Variants in GRID2 observed in about 807,000 individuals in gnomAD.
GRID2 encodes the protein glutamate ionotropic receptor delta type subunit 2, also known as glutamate receptor ionotropic, delta-2.
In GRID2, 33 loss-of-function variants were observed where a neutral mutation model predicts 114.8. That is an observed-to-expected ratio of 0.29 (90% CI 0.22 to 0.38). The LOEUF is 0.38. GRID2 is among the 10% of genes least tolerant of loss of function. The probability of loss-of-function intolerance (pLI) is 1.00; values close to 1 mark genes in which losing one functional copy is unlikely to be tolerated. For synonymous variants in GRID2, 505 were observed against 449.9 expected, an observed-to-expected ratio of 1.12 and a Z score of -1.55; for missense variants, 1,184 against 1,257.7, an observed-to-expected ratio of 0.94 and a Z score of 0.89.
intron 8 of GRID2, among the ~76,000 whole-genome samples, chr4:93,316,951 T>C (rs564149370): frequency 1.9e-3 from 292 of 152,300 alleles, no homozygotes; most frequent in African/African-American, 6.7e-3. Flanking sequence ...TATTAACATA[T>C]GCATTCCTTA....
intron 1 of GRID2, among the ~76,000 whole-genome samples, chr4:92,575,230 C>A (rs549127523): frequency 3.9e-5 from 6 of 152,254 alleles, no homozygotes; most frequent in South Asian, 4.1e-4. Flanking sequence ...TACCATCATG[C>A]TTAGGTTATT....
intron 1 of GRID2, among the ~76,000 whole-genome samples, chr4:92,567,889 C>CA (rs1257373872): frequency 4.6e-5 from 7 of 151,936 alleles, no homozygotes; most frequent in African/African-American, 1.7e-4. Context: ...ACACAGCAAA[C>CA]AAAACCCCTT....
chr4:92,760,508 T>C (rs1220041406), intron 2 of GRID2, among the ~76,000 whole-genome samples: 1 of 152,224 alleles, frequency 6.6e-6, no homozygotes, highest in African/African-American at 2.4e-5. Flanking sequence ...AGAACTACTC[T>C]CCACAGCCAA....
At chr4:93,594,959 T>G (rs1045928451) in intron 13 of GRID2, among the ~76,000 whole-genome samples, 2 of 152,142 alleles carry the variant, frequency 1.3e-5, no homozygotes, top group African/African-American at 4.8e-5. Flanking sequence ...TGTCTGGCAC[T>G]CCCTAGTGAG....
intron 10 of GRID2, among the ~76,000 whole-genome samples, chr4:93,427,476 G>C (rs1406960530): frequency 6.6e-6 from 1 of 151,690 alleles, no homozygotes; most frequent in Non-Finnish European, 1.5e-5. Flanking sequence ...CTTTCTAAGG[G>C]GCTACCAAAC....
chr4:92,760,807 T>C (rs1051902721), intron 2 of GRID2, among the ~76,000 whole-genome samples: 1 of 152,144 alleles, frequency 6.6e-6, no homozygotes, highest in Non-Finnish European at 1.5e-5. Context: ...CTATTGGCAA[T>C]GGCATGTTGG....
chr4:93,022,973 A>G (rs990682608), intron 2 of GRID2, among the ~76,000 whole-genome samples: 1 of 151,952 alleles, frequency 6.6e-6, no homozygotes, highest in Non-Finnish European at 1.5e-5. Flanking sequence ...TCCCAAATCT[A>G]CAGTGATACA....
intron 3 of GRID2, among the ~76,000 whole-genome samples, chr4:93,104,738 T>G (rs1450974839): frequency 7.9e-5 from 12 of 152,238 alleles, no homozygotes; most frequent in Admixed American, 7.9e-4. Context: ...TCCAAGTCTT[T>G]GCTATTGTGA....
At position 93,274,187 on chromosome 4, in the gene GRID2, C is replaced by T. The variant is rs180884545; in HGVS notation, c.1245+35697C>T. Reference sequence around the variant, plus strand: ...TAATATTAATATTCTTAAAATCCTGCAGTGGCATTGATAGTAGCCAATAAA... The same window carrying T: ...TAATATTAATATTCTTAAAATCCTGTAGTGGCATTGATAGTAGCCAATAAA... On this transcript the variant is annotated intron_variant, in intron 8 of 15. Transcript: ENST00000282020. Among the ~76,000 whole-genome samples, 323 of 152,108 alleles carry T rather than the reference C, an allele frequency of 2.1e-3. 2 individuals are homozygous for T. Among genetic ancestry groups the T allele is most frequent in the African/African-American group, 7.2e-3 (298 of 41,516 alleles).
chr4:93,584,457 A>G (rs956513603), intron 13 of GRID2, among the ~76,000 whole-genome samples: 8 of 152,132 alleles, frequency 5.3e-5, no homozygotes, highest in Admixed American at 3.9e-4. Flanking sequence ...TTTCTTTATT[A>G]TACTATCCCT....
Position 92,449,676 on chromosome 4 carries a change from G to T in GRID2, c.89-140455G>T, listed in dbSNP as rs1037292324. Among the ~76,000 whole-genome samples, 796 of 96,738 alleles carry T rather than the reference G, an allele frequency of 8.2e-3. 14 individuals carry two copies. The highest frequency in any genetic ancestry group is 0.031 in the African/African-American group (739 of 23,788). 63.5% of individuals were successfully genotyped at this position (96,738 alleles called of 152,430 possible). On this transcript the variant is annotated intron_variant, in intron 1 of 15. Coordinates refer to ENST00000282020, the MANE Select transcript of GRID2 (RefSeq NM_001510.4). Reference sequence around the variant, plus strand: ...TCAAATATGTCTATCTTTTCTTACTGATATATATATATATATATATATATA... The same window carrying T: ...TCAAATATGTCTATCTTTTCTTACTTATATATATATATATATATATATATA...
chr4:92,887,318 G>C (rs537419176), intron 2 of GRID2, among the ~76,000 whole-genome samples: 1 of 152,186 alleles, frequency 6.6e-6, no homozygotes, highest in Non-Finnish European at 1.5e-5. Context: ...TTGGTGCCTG[G>C]TGACTAGAAA....
chr4:92,892,925 T>C (rs1746889944), intron 2 of GRID2, among the ~76,000 whole-genome samples: 1 of 152,184 alleles, frequency 6.6e-6, no homozygotes, highest in South Asian at 2.1e-4. Flanking sequence ...TAAAACAGCA[T>C]GCAGCATTTC....
At chr4:92,551,940 G>A (rs1193194869) in intron 1 of GRID2, among the ~76,000 whole-genome samples, 2 of 152,014 alleles carry the variant, frequency 1.3e-5, no homozygotes, top group Admixed American at 6.6e-5. Context: ...AAGAGCTGAG[G>A]AAAGTCAGTT....
At chr4:93,631,424 T>C (rs1245002218) in intron 14 of GRID2, among the ~76,000 whole-genome samples, 2 of 152,268 alleles carry the variant, frequency 1.3e-5, no homozygotes, top group South Asian at 2.1e-4. Context: ...GTCCAAGTGT[T>C]CTCATTGTTC....
chr4:93,613,256 A>G (rs1741168374), intron 13 of GRID2, among the ~76,000 whole-genome samples: 1 of 140,232 alleles, frequency 7.1e-6, no homozygotes, highest in Non-Finnish European at 1.6e-5. Context: ...CTTTGGTTTG[A>G]ATGTCCTCCC....
At chr4:93,786,654 C>T (rs1217858744) in intron 1 of GRID2, among the ~76,000 whole-genome samples, 2 of 152,094 alleles carry the variant, frequency 1.3e-5, no homozygotes, top group Non-Finnish European at 2.9e-5. Flanking sequence ...ATGGAGGAAG[C>T]AAATCACTGG....
intron 4 of GRID2, among the ~76,000 whole-genome samples, chr4:93,113,691 T>A (rs1260021335): frequency 6.6e-6 from 1 of 152,200 alleles, no homozygotes; most frequent in Non-Finnish European, 1.5e-5. Flanking sequence ...CACATACATC[T>A]ACGCTGATCT....
chr4:93,804,218 CATT>C (rs1734989217), intron 1 of GRID2, among the ~76,000 whole-genome samples: 1 of 152,154 alleles, frequency 6.6e-6, no homozygotes, highest in Admixed American at 6.5e-5. Context: ...TTAAACAACT[CATT>C]ATAATATACC....
Sources: gnomAD v4.1 joint callset for allele counts (sites outside exome capture counted in the v4.1 genomes callset) on GRCh38, gnomAD v4.1.1 for gene constraint, MANE v1.5 for transcripts, NCBI Gene and HGNC (gene_info 2026-07-23, HGNC 2026-07-21) for gene names.